The following UQCC1 variants were observed in gnomAD, a reference collection of about 807,000 sequenced individuals.
UQCC1 encodes bFGF-repressed Zic-binding protein.
In UQCC1, 38 loss-of-function variants were observed where a neutral mutation model predicts 48.0. The ratio of observed to expected loss-of-function variants is 0.79; its 90% confidence interval spans 0.61 to 1.04. The LOEUF (loss-of-function observed/expected upper bound fraction) is 1.04. Ranked by LOEUF, UQCC1 falls within the 50% of genes least tolerant of loss-of-function variation. The pLI is 0.00. For missense variants in UQCC1, 368 were observed against 381.8 expected (o/e 0.96, Z 0.30); for synonymous variants, 111 against 129.2 (o/e 0.86, Z 0.95).
At chr20:35,326,470 A>G (rs762365113) in intron 7 of UQCC1, among the ~76,000 whole-genome samples, 8 of 152,168 alleles carry the variant, frequency 5.3e-5, no homozygotes, top group Non-Finnish European at 1.0e-4. Context: ...TCTTACTTGG[A>G]TAAGATGTAA....
chr20:35,372,858 G>C (rs2061750781), intron 5 of UQCC1, among the ~76,000 whole-genome samples: 1 of 152,180 alleles, frequency 6.6e-6, no homozygotes, highest in Admixed American at 6.5e-5. Flanking sequence ...AATAGAGCAA[G>C]ACTCAAAGCA....
chr20:35,321,707 A>C (rs2070683066), intron 7 of UQCC1, among the ~76,000 whole-genome samples: 1 of 152,140 alleles, frequency 6.6e-6, no homozygotes, highest in Non-Finnish European at 1.5e-5. Flanking sequence ...AGTAATAATA[A>C]TACAAACCCC....
chr20:35,382,126 A>C, intron 3 of UQCC1, 101 bp from the exon 4 acceptor site: 1 of 666,502 alleles, frequency 1.5e-6, no homozygotes, highest in Admixed American at 2.7e-5. Flanking sequence ...TTTTAAATAC[A>C]GTCAGGGTCT....
intron 2 of UQCC1, among the ~76,000 whole-genome samples, chr20:35,392,499 G>T (rs907337473): frequency 3.9e-5 from 6 of 152,146 alleles, no homozygotes; most frequent in African/African-American, 1.4e-4. Flanking sequence ...GCACAAGTCA[G>T]AGATTCATAT....
At chr20:35,374,869 T>C (rs912589300) in intron 4 of UQCC1, among the ~76,000 whole-genome samples, 11 of 152,120 alleles carry the variant, frequency 7.2e-5, no homozygotes. Flanking sequence ...TCTTAGGCTT[T>C]TGATATGAGT....
chr20:35,358,356 C>CAAAAAAAAA (rs1198006186), intron 6 of UQCC1, among the ~76,000 whole-genome samples: 3 of 49,392 alleles, frequency 6.1e-5, no homozygotes, highest in Non-Finnish European at 9.8e-5. Flanking sequence ...GACTCTGTCT[C>CAAAAAAAAA]AAAAAAAAAA....
intron 1 of UQCC1, among the ~76,000 whole-genome samples, chr20:35,402,479 G>A (rs1017411458): frequency 6.3e-4 from 96 of 152,146 alleles, no homozygotes; most frequent in African/African-American, 2.2e-3. Flanking sequence ...TCGGGAGGCT[G>A]AGGCAGGAGA....
intron 7 of UQCC1, chr20:35,345,794 C>G (rs764200502): frequency 6.6e-6 from 1 of 152,058 alleles, no homozygotes; most frequent in Non-Finnish European, 1.5e-5. Context: ...ATGTTTATTT[C>G]TCAGTCCACA....
intron 7 of UQCC1, among the ~76,000 whole-genome samples, chr20:35,332,784 GT>G (rs1460713415): frequency 6.6e-6 from 1 of 152,178 alleles, no homozygotes; most frequent in Non-Finnish European, 1.5e-5. Flanking sequence ...GAAAGAGAAT[GT>G]CCTCCAAACT....
chr20:35,408,263 T>C (rs796651824), intron 1 of UQCC1, among the ~76,000 whole-genome samples: 5 of 152,034 alleles, frequency 3.3e-5, no homozygotes, highest in African/African-American at 1.2e-4. Context: ...AACTCCTCTC[T>C]ACTAAAAATT....
intron 6 of UQCC1, among the ~76,000 whole-genome samples, chr20:35,360,012 C>T: frequency 6.6e-6 from 1 of 151,290 alleles, no homozygotes; most frequent in Non-Finnish European, 1.5e-5. Context: ...TCTCACCTGA[C>T]AACGAGCCTC....
At chr20:35,326,595 T>G (rs151247416) in intron 7 of UQCC1, among the ~76,000 whole-genome samples, 228 of 152,278 alleles carry the variant, frequency 1.5e-3, no homozygotes, top group African/African-American at 4.7e-3. Flanking sequence ...GTTCACTACA[T>G]GTAGGTCGGT....
chr20:35,328,655 G>A (rs532867942), intron 7 of UQCC1, among the ~76,000 whole-genome samples: 1 of 152,234 alleles, frequency 6.6e-6, no homozygotes, highest in African/African-American at 2.4e-5. Context: ...ATACTGCATT[G>A]GAAAGGAGGT....
chr20:35,407,106 C>T (rs965477520), intron 1 of UQCC1, among the ~76,000 whole-genome samples: 2 of 152,138 alleles, frequency 1.3e-5, no homozygotes, highest in Non-Finnish European at 2.9e-5. Flanking sequence ...TTGGATTTTG[C>T]AATGATTTCT....
intron 7 of UQCC1, among the ~76,000 whole-genome samples, chr20:35,324,382 C>A (rs183827397): frequency 5.3e-5 from 8 of 152,000 alleles, no homozygotes; most frequent in Non-Finnish European, 1.0e-4. Context: ...GCTGGAGTGC[C>A]GTGGCGCCAT....
intron 5 of UQCC1, among the ~76,000 whole-genome samples, chr20:35,369,066 C>T (rs1227753588): frequency 6.6e-6 from 1 of 152,228 alleles, no homozygotes; most frequent in African/African-American, 2.4e-5. Context: ...ACAATCTGTT[C>T]AATTGCTACC....
intron 1 of UQCC1, among the ~76,000 whole-genome samples, chr20:35,410,725 C>CAAAAAAAAAAAAAAAAA (rs1427834637): frequency 4.5e-5 from 1 of 22,360 alleles, no homozygotes; most frequent in African/African-American, 1.7e-4. Context: ...AAAAAAAAAA[C>CAAAAAAAAAAAAAAAAA]AAAACCCTAA....
At chr20:35,306,836 A>G (rs2060934869) in intron 8 of UQCC1, 57 bp from the exon 9 acceptor site, 2 of 1,345,994 alleles carry the variant, frequency 1.5e-6, no homozygotes, top group East Asian at 4.6e-5. Context: ...CAGGACACAG[A>G]CGGTGGGGAT....
At chr20:35,307,501 G>A (rs1365147891) in intron 8 of UQCC1, among the ~76,000 whole-genome samples, 2 of 152,180 alleles carry the variant, frequency 1.3e-5, no homozygotes, top group African/African-American at 4.8e-5. Context: ...ACCAGCTAAG[G>A]ACATTTTCTA....
Sources: allele counts gnomAD v4.1 joint callset (sites outside exome capture counted in the v4.1 genomes callset), GRCh38; gene constraint gnomAD v4.1.1; transcripts MANE v1.5; gene names NCBI Gene and HGNC (gene_info 2026-07-23, HGNC 2026-07-21).